HVCN1: variants seen among roughly 807,000 people sequenced by gnomAD.
HVCN1 encodes the protein hydrogen voltage gated channel 1.
HVCN1 carries 14 observed loss-of-function variants against 29.2 expected under a neutral mutation model. The observed-to-expected ratio is 0.48, with a 90% confidence interval of 0.32 to 0.75. The LOEUF (loss-of-function observed/expected upper bound fraction) is 0.75, where lower values mean the gene tolerates loss of function less well. HVCN1 is among the 30% of genes least tolerant of loss of function. The probability of loss-of-function intolerance (pLI) is 0.04; values close to 1 mark genes in which losing one functional copy is unlikely to be tolerated. For synonymous variants in HVCN1, 131 were observed against 133.2 expected, an observed-to-expected ratio of 0.98 and a Z score of 0.11; for missense variants, 263 against 341.8, an observed-to-expected ratio of 0.77 and a Z score of 1.82.
rs1473391977 is a variant in HVCN1 at position 110,649,353 on chromosome 12, C to T, written c.*57G>A. 8.5e-6 allele frequency: 12 copies of T among 1,418,652 alleles called. No homozygotes were observed. The highest frequency in any genetic ancestry group is 4.7e-5 in the South Asian group (4 of 84,310). 87.9% of individuals were successfully genotyped at this position (1,418,652 alleles called of 1,614,324 possible). A position where few individuals can be genotyped will look rare whatever the true frequency, so the allele number is the denominator to read the frequency against. ...GCCCAGGAGGGGCAGCTGTTCCTCTCGTGACAGCACAGGCCCATGAGACAG... is the reference window on the plus strand; with the variant it reads ...GCCCAGGAGGGGCAGCTGTTCCTCTTGTGACAGCACAGGCCCATGAGACAG... On this transcript the variant is annotated 3_prime_UTR_variant, in exon 8 of 8. Transcript: ENST00000242607.
rs1365607977 is a variant in HVCN1, at chr12:110,689,018, G to A, written c.-104+62C>T. Reference sequence around the variant, plus strand: ...CTTCTCGGAAGGATCGGGCACTGGGGGTCTTGTAGAAAGGGCTGCACGCCA... The same window carrying A: ...CTTCTCGGAAGGATCGGGCACTGGGAGTCTTGTAGAAAGGGCTGCACGCCA... On this transcript the variant is annotated intron_variant, in intron 1 of 7. Transcript: ENST00000242607. The surrounding 1 kb of genome is among the most constrained non-coding windows in gnomAD (Gnocchi z 5.7). 1.3e-5 allele frequency: 2 copies of A among 152,410 alleles called. No individual in the cohort carries two copies. Among genetic ancestry groups the A allele is most frequent in the African/African-American group, 4.8e-5 (2 of 41,458 alleles). 9.4% of individuals were successfully genotyped at this position (152,410 alleles called of 1,614,324 possible).
chr12:110,667,367 C>T (rs538969015), intron 3 of HVCN1, among the ~76,000 whole-genome samples: 70 of 152,226 alleles, frequency 4.6e-4, no homozygotes, highest in African/African-American at 1.4e-3. Flanking sequence ...CTCCTGACCT[C>T]AGGTGATCCG....
intron 3 of HVCN1, among the ~76,000 whole-genome samples, chr12:110,673,157 A>T (rs2068639104): frequency 6.6e-6 from 1 of 152,216 alleles, no homozygotes; most frequent in African/African-American, 2.4e-5. Context: ...AGTGATCTGG[A>T]CAATAAGGTC....
At chr12:110,683,328 T>C (rs563695816) in intron 2 of HVCN1, 64 bp from the exon 3 acceptor site, 1 of 1,510,524 alleles carries the variant, frequency 6.6e-7, no homozygotes, top group African/African-American at 1.4e-5. Flanking sequence ...TGGTATGTGC[T>C]CTGTAATCCT....
At chr12:110,704,517 G>C in intron 1 of HVCN1, among the ~76,000 whole-genome samples, 1 of 152,028 alleles carries the variant, frequency 6.6e-6, no homozygotes, top group East Asian at 1.9e-4. Flanking sequence ...AATTAGCCAG[G>C]TGTGGTAGTG....
rs535995478 is a variant in HVCN1, at chr12:110,676,374, C to T, written c.21+6851G>A. Among the ~76,000 whole-genome samples, 27 of 152,334 alleles carry T rather than the reference C, an allele frequency of 1.8e-4. No homozygotes were observed. In the East Asian group the frequency reaches 4.4e-3, roughly 25 times the overall value. The stretch of plus-strand genomic sequence containing the variant: ...CCTGTGCAGAAAAGGGCCAGCCCAG[C>T]GGTCCCGAGGCTGCCTTCCTCAGAC... On this transcript the variant is annotated intron_variant, in intron 3 of 7. Coordinates refer to ENST00000242607, the MANE Select transcript of HVCN1 (RefSeq NM_032369.4). The surrounding 1 kb of genome is among the most constrained non-coding windows in gnomAD (Gnocchi z 4.1).
upstream of HVCN1, among the ~76,000 whole-genome samples, chr12:110,692,411 G>T (rs543334156): frequency 4.3e-4 from 66 of 152,280 alleles, no homozygotes; most frequent in African/African-American, 1.4e-3. Context: ...AGTTGGGAAA[G>T]TGAGGCCAAC....
chr12:110,685,194 A>G (rs533509761), intron 2 of HVCN1, among the ~76,000 whole-genome samples: 442 of 152,306 alleles, frequency 2.9e-3, no homozygotes, highest in Non-Finnish European at 5.3e-3. Context: ...TGGAGGCAGG[A>G]GAAAGAAGAG....
At chr12:110,696,473 T>G (rs2069493301) in intron 2 of HVCN1, among the ~76,000 whole-genome samples, 1 of 151,824 alleles carries the variant, frequency 6.6e-6, no homozygotes, top group African/African-American at 2.4e-5. Context: ...CCAATCACTT[T>G]GGAGGCTGAG....
Position 110,648,778 on chromosome 12 carries a change from G to A in HVCN1, c.*632C>T. 6.5e-6 allele frequency: 2 copies of A among 305,778 alleles called. No homozygotes were observed. Among genetic ancestry groups the A allele is most frequent in the Non-Finnish European group, 1.2e-5 (2 of 161,160 alleles). The allele number at this position is 305,778 out of a possible 1,614,324, so 18.9% of individuals were successfully genotyped here. A position where few individuals can be genotyped will look rare whatever the true frequency, so the allele number is the denominator to read the frequency against. ...ACAGAGGAAAGAATACAGTAGGAGG[G>A]TCCAGGGAAAAGAGAGAGTTTATTT... On this transcript the variant is annotated 3_prime_UTR_variant, in exon 8 of 8. Transcript: ENST00000242607.
chr12:110,681,983 TC>T (rs1227068082), intron 3 of HVCN1, among the ~76,000 whole-genome samples: 2 of 151,926 alleles, frequency 1.3e-5, no homozygotes, highest in African/African-American at 4.8e-5. Flanking sequence ...CAGGTTGAAA[TC>T]CCAATTTCTG....
At position 110,676,808 on chromosome 12, in the gene HVCN1, G is replaced by T. The variant is rs891717292; in HGVS notation, c.21+6417C>A. 2.0e-5 allele frequency among the ~76,000 whole-genome samples: 3 copies of T among 152,108 alleles called. No individual in the cohort carries two copies. The South Asian group carries it at 6.2e-4, about 32-fold the overall frequency. On this transcript the variant is annotated intron_variant, in intron 3 of 7. Transcript: ENST00000242607. The surrounding 1 kb of genome is among the most constrained non-coding windows in gnomAD (Gnocchi z 4.1). ...TGATTTTAATTTCAATCCTTTTGTG[G>T]CAATTAATCTGAGCCAGGAGCACAT... is the stretch of plus-strand genomic sequence containing the variant.
At chr12:110,678,659 T>A (rs1251873375) in intron 3 of HVCN1, among the ~76,000 whole-genome samples, 2 of 151,974 alleles carry the variant, frequency 1.3e-5, no homozygotes, top group Non-Finnish European at 2.9e-5. Flanking sequence ...TCCATGTTAC[T>A]CAGGCTGGTC....
chr12:110,669,111 C>T (rs2136342635), intron 3 of HVCN1, among the ~76,000 whole-genome samples: 1 of 152,228 alleles, frequency 6.6e-6, no homozygotes, highest in East Asian at 1.9e-4. Flanking sequence ...TGTGACCCAA[C>T]TGACCTGATT....
intron 3 of HVCN1, among the ~76,000 whole-genome samples, chr12:110,668,717 A>AC (rs2068457612): frequency 6.6e-6 from 1 of 151,748 alleles, no homozygotes; most frequent in Non-Finnish European, 1.5e-5. Flanking sequence ...GATGCGGGAC[A>AC]CCCCCACAGC....
intron 2 of HVCN1, among the ~76,000 whole-genome samples, chr12:110,699,542 A>T (rs1298054784): frequency 1.3e-5 from 2 of 152,148 alleles, no homozygotes; most frequent in Non-Finnish European, 2.9e-5. Context: ...AGCCCAGTCC[A>T]GGAGCTGAGG....
At chr12:110,654,272 G>A (rs1168760185) in intron 5 of HVCN1, among the ~76,000 whole-genome samples, 1 of 151,856 alleles carries the variant, frequency 6.6e-6, no homozygotes, top group East Asian at 1.9e-4. Flanking sequence ...AATTATTTAG[G>A]AGAAAACAGA....
At chr12:110,678,116 G>T (rs1228350879) in intron 3 of HVCN1, among the ~76,000 whole-genome samples, 2 of 152,202 alleles carry the variant, frequency 1.3e-5, no homozygotes, top group Non-Finnish European at 1.5e-5. Flanking sequence ...TCTGTTTATG[G>T]ATGAGGAAAC....
At chr12:110,662,574 G>T (rs147325331) in intron 3 of HVCN1, among the ~76,000 whole-genome samples, 13 of 152,104 alleles carry the variant, frequency 8.5e-5, no homozygotes, top group Non-Finnish European at 1.6e-4. Context: ...GTATAGTGGC[G>T]CATGCCTGTA....
Sources: allele counts gnomAD v4.1 joint callset (sites outside exome capture counted in the v4.1 genomes callset), GRCh38; gene constraint gnomAD v4.1.1; non-coding constraint Gnocchi (gnomAD v3.1); transcripts MANE v1.5; gene names NCBI Gene and HGNC (gene_info 2026-07-23, HGNC 2026-07-21).